LRRTM1: variants seen among roughly 807,000 people sequenced by gnomAD.
The protein encoded by LRRTM1 is leucine-rich repeat transmembrane neuronal protein 1.
Under a neutral mutation model 37.3 loss-of-function variants are expected in LRRTM1, and 8 were observed. The observed-to-expected ratio is 0.21, with a 90% CI of 0.13 to 0.39. The LOEUF is 0.39. LRRTM1 is among the 10% of genes least tolerant of loss of function. The pLI, the probability that LRRTM1 is intolerant of heterozygous loss-of-function variation, is 1.00. For synonymous variants in LRRTM1, 326 were observed against 316.8 expected (o/e 1.03, Z -0.31); for missense variants, 557 against 691.0 (o/e 0.81, Z 2.17).
chr2:80,291,168 G>A (rs1305193973), intron 2 of LRRTM1, among the ~76,000 whole-genome samples: 1 of 152,240 alleles, frequency 6.6e-6, no homozygotes, highest in Non-Finnish European at 1.5e-5. Context: ...GTGGGATTTA[G>A]TAGATCTCTA....
chr2:80,299,473 C>T (rs1027802227), downstream of LRRTM1: 5 of 151,980 alleles, frequency 3.3e-5, no homozygotes, highest in East Asian at 3.9e-4. Context: ...AGACACACAA[C>T]GCAGAAACAT....
At position 80,303,431 on chromosome 2, in the gene LRRTM1, T is replaced by G. The variant is rs765512356; in HGVS notation, c.389A>C (p.Asn130Thr). The G allele has an allele frequency of 3.1e-6, 5 of 1,614,134 alleles. No individual in the cohort carries two copies. The highest frequency in any genetic ancestry group is 4.2e-6 in the Non-Finnish European group (5 of 1,180,028). Residue 130 changes from asparagine to threonine, a missense_variant, in exon 2 of 2, where the codon AAC becomes ACC. By Grantham distance (65) the Asn-to-Thr change is moderately conservative (BLOSUM62 0). Around this residue, in one of 5 missense-constraint regions of LRRTM1, gnomAD observed 38 missense variants for 72.9 expected, o/e 0.52. Transcript: ENST00000295057. This position sits in a 1 kb window ranked among gnomAD's most constrained non-coding sequence, Gnocchi z 7.7. ...GTTGGGCATGGGCCGGAAGGTGGTG[T>G]TGGGCAGTTGGGTGATCTGGTTGGA... ...LSSNQITQLP[N>T]TTFRPMPNLR...
downstream of LRRTM1, among the ~76,000 whole-genome samples, chr2:80,300,605 G>C (rs1676196016): frequency 6.6e-6 from 1 of 151,790 alleles, no homozygotes; most frequent in African/African-American, 2.4e-5. Context: ...CCCTCTTCCT[G>C]CTATTTGGAC....
At chr2:80,294,688 C>A (rs951160175) in intron 2 of LRRTM1, among the ~76,000 whole-genome samples, 7 of 152,044 alleles carry the variant, frequency 4.6e-5, no homozygotes, top group Non-Finnish European at 5.9e-5. Context: ...GGCCACACCC[C>A]AGACCAGTTA....
chr2:80,300,279 GGGGTGTGTGTGTGT>G (rs199516707), downstream of LRRTM1, among the ~76,000 whole-genome samples: 25,499 of 127,940 alleles, frequency 0.2, 2,371 homozygotes, highest in East Asian at 0.31. Context: ...CTGGGGTGTT[GGGGTGTGTGTGTGT>G]GTGTGTGTGT....
At position 80,304,102 on chromosome 2, in the gene LRRTM1, G is replaced by GA. The variant is rs766640093; in HGVS notation, c.-60+49dup. On this transcript the variant is annotated intron_variant, in intron 1 of 1. Transcript: ENST00000295057. ...AGATGCTGCAGCAAAGAAAAGGGAGGAAAAAAAAAATCTTCGGGAAAGAAT... is the reference window on the plus strand; with the variant it reads ...AGATGCTGCAGCAAAGAAAAGGGAGGAAAAAAAAAAATCTTCGGGAAAGAAT... 1,313 of 333,772 alleles carry GA rather than the reference G, an allele frequency of 3.9e-3. 1 individual carries two copies. The highest frequency in any genetic ancestry group is 7.8e-3 in the East Asian group (171 of 21,836). The allele number at this position is 333,772 out of a possible 1,614,324, so 20.7% of individuals were successfully genotyped here. A position where few individuals can be genotyped will look rare whatever the true frequency, so the allele number is the denominator to read the frequency against.
In LRRTM1 at chr2:80,303,626, G is replaced by A; in HGVS notation, c.194C>T (p.Ser65Phe). 1 of 1,614,034 alleles carries A rather than the reference G, an allele frequency of 6.2e-7. No homozygotes were observed. The highest frequency in any genetic ancestry group is 1.7e-5 in the Admixed American group (1 of 60,022). The change falls in exon 2 of 2, where the codon TCC (serine) becomes TTC (phenylalanine). Residue 65 changes from serine to phenylalanine, a missense_variant. Transcript: ENST00000295057. This position sits in a 1 kb window ranked among gnomAD's most constrained non-coding sequence, Gnocchi z 7.7. ...LNLTEAPHNL[S>F]GLLGLSLRYN... is the part of the protein sequence containing the mutation. ...GCGCAGGGACAAGCCCAGCAGGCCG[G>A]ACAGGTTGTGGGGCGCCTCGGTGAG... is the stretch of plus-strand genomic sequence containing the variant.
intron 1 of LRRTM1, 120 bp downstream of exon 1, chr2:80,304,032 T>C: frequency 2.1e-6 from 1 of 482,040 alleles, no homozygotes; most frequent in Non-Finnish European, 3.5e-6. Context: ...CATAGAAAGT[T>C]CACAGCCACG....
downstream of LRRTM1, chr2:80,299,039 C>T (rs1676008725): frequency 6.6e-6 from 1 of 152,058 alleles, no homozygotes; most frequent in South Asian, 2.1e-4. Flanking sequence ...AACCTCAATA[C>T]CACTGCTGAA....
chr2:80,296,772 A>G (rs1675783571), intron 2 of LRRTM1, among the ~76,000 whole-genome samples: 1 of 152,088 alleles, frequency 6.6e-6, no homozygotes, highest in African/African-American at 2.4e-5. Flanking sequence ...TGCTTGTAGG[A>G]TGTTTCACAG....
downstream of LRRTM1, chr2:80,299,059 G>C (rs1184983642): frequency 2.0e-5 from 3 of 152,046 alleles, no homozygotes; most frequent in African/African-American, 4.8e-5. Context: ...ACTTTAATCA[G>C]CTGGGAAGGT....
chr2:80,299,541 C>G (rs1017774546), downstream of LRRTM1: 2 of 152,202 alleles, frequency 1.3e-5, no homozygotes. Flanking sequence ...TGCTCTTAAG[C>G]TCCCAGATTG....
At chr2:80,296,208 T>G (rs1675729968) in intron 2 of LRRTM1, among the ~76,000 whole-genome samples, 1 of 152,180 alleles carries the variant, frequency 6.6e-6, no homozygotes, top group Non-Finnish European at 1.5e-5. Context: ...ACACTGATTT[T>G]TAAAATAGAG....
Position 80,303,388 on chromosome 2 carries a change from G to A in LRRTM1, c.432C>T (p.Leu144=). The part of the protein sequence containing the change: ...RPMPNLRSVD[L]SYNKLQALAP... The stretch of plus-strand genomic sequence containing the variant: ...CGAGCGCCTGCAGCTTGTTGTACGA[G>A]AGGTCCACGCTGCGCAGGTTGGGCA... The change falls in exon 2 of 2, where the codon CTC becomes CTT. Residue 144 remains leucine, a synonymous_variant. Coordinates refer to ENST00000295057, the MANE Select transcript of LRRTM1 (RefSeq NM_178839.5). This position sits in a 1 kb window ranked among gnomAD's most constrained non-coding sequence, Gnocchi z 7.7. 1 of 1,614,218 alleles carries A rather than the reference G, an allele frequency of 6.2e-7. No homozygotes were observed. Among genetic ancestry groups the A allele is most frequent in the Non-Finnish European group, 8.5e-7 (1 of 1,180,048 alleles).
intron 2 of LRRTM1, among the ~76,000 whole-genome samples, chr2:80,294,687 C>G (rs1289223785): frequency 6.6e-6 from 1 of 152,046 alleles, no homozygotes; most frequent in Admixed American, 6.6e-5. Context: ...AGGCCACACC[C>G]CAGACCAGTT....
intron 2 of LRRTM1, among the ~76,000 whole-genome samples, chr2:80,291,554 AG>A (rs745693226): frequency 6.6e-6 from 1 of 152,252 alleles, no homozygotes; most frequent in Non-Finnish European, 1.5e-5. Flanking sequence ...ACAAAGAAAA[AG>A]CTTCTTTAAA....
At chr2:80,297,470 T>C (rs1283798539), downstream of LRRTM1, among the ~76,000 whole-genome samples, 1 of 152,182 alleles carries the variant, frequency 6.6e-6, no homozygotes, top group East Asian at 1.9e-4. Context: ...TAAATTGTAT[T>C]TCTCCATCTC....
downstream of LRRTM1, among the ~76,000 whole-genome samples, chr2:80,297,463 A>G (rs1675848893): frequency 6.6e-6 from 1 of 152,144 alleles, no homozygotes; most frequent in Non-Finnish European, 1.5e-5. Context: ...TGCTCAGTAA[A>G]TTGTATTTCT....
chr2:80,296,140 T>C (rs1333353326), intron 2 of LRRTM1, among the ~76,000 whole-genome samples: 3 of 152,200 alleles, frequency 2.0e-5, no homozygotes, highest in Non-Finnish European at 4.4e-5. Flanking sequence ...ATGCAATGTG[T>C]AACAATTGCA....
Sources: allele counts gnomAD v4.1 joint callset (sites outside exome capture counted in the v4.1 genomes callset), GRCh38; gene constraint gnomAD v4.1.1; regional missense constraint gnomAD v4.1.1; non-coding constraint Gnocchi (gnomAD v3.1); transcripts MANE v1.5; gene names NCBI Gene and HGNC (gene_info 2026-07-23, HGNC 2026-07-21).